EPB42: variants seen among roughly 807,000 people sequenced by gnomAD.
The protein encoded by EPB42 is protein 4.2.
EPB42 carries 49 observed loss-of-function variants against 76.9 expected under a neutral mutation model. The observed-to-expected ratio is 0.64, with a 90% CI of 0.51 to 0.81. EPB42 has a LOEUF of 0.81. Ranked by LOEUF, EPB42 falls within the 30% of genes least tolerant of loss-of-function variation. The pLI is 0.00. For missense variants in EPB42, 731 were observed against 867.6 expected (o/e 0.84, Z 1.98); for synonymous variants, 310 against 338.4 (o/e 0.92, Z 0.92).
intron 1 of EPB42, among the ~76,000 whole-genome samples, chr15:43,216,828 T>A (rs1161154548): frequency 6.6e-6 from 1 of 152,224 alleles, no homozygotes; most frequent in Non-Finnish European, 1.5e-5. Context: ...AAAATCTTTC[T>A]CGCACCTACT....
chr15:43,208,582 A>G (rs2042242509), intron 7 of EPB42, 55 bp downstream of exon 7: 2 of 1,609,770 alleles, frequency 1.2e-6, no homozygotes, highest in South Asian at 1.1e-5. Context: ...GAGGTGTGCT[A>G]TGCAGGGTTG....
intron 1 of EPB42, 156 bp downstream of exon 1, chr15:43,220,660 A>ACCCCCCCCCCTAT: frequency 7.2e-6 from 1 of 138,560 alleles, no homozygotes; most frequent in Non-Finnish European, 1.3e-5. Flanking sequence ...CCCCCCCCCC[A>ACCCCCCCCCCTAT]CAGCCACCTC....
intron 1 of EPB42, among the ~76,000 whole-genome samples, chr15:43,219,052 C>A (rs1485572777): frequency 2.0e-5 from 3 of 152,134 alleles, no homozygotes; most frequent in Admixed American, 2.0e-4. Context: ...CTGTGTTTAA[C>A]GACTGGCTGG....
Position 43,220,903 on chromosome 15 carries a change from GCTTT to G in EPB42, c.-82_-79del, listed in dbSNP as rs1159036337. 1.5e-6 allele frequency: 2 copies of G among 1,362,536 alleles called. No homozygotes were observed. The allele number at this position is 1,362,536 out of a possible 1,614,324, so 84.4% of individuals were successfully genotyped here. ...ACTGTTGCTTCTGGGCTCCTTCTGG[GCTTT>G]CTGTCTTCCAGACAGAAAATATGAA... On this transcript the variant is annotated 5_prime_UTR_variant, in exon 1 of 13. Coordinates refer to ENST00000441366, the MANE Select transcript of EPB42 (RefSeq NM_001114134.2).
intron 2 of EPB42, 36 bp downstream of exon 2, chr15:43,216,232 C>G: frequency 6.2e-7 from 1 of 1,611,538 alleles, no homozygotes; most frequent in Non-Finnish European, 8.5e-7. Context: ...ACCCCCCAGG[C>G]CTGCTGCCAA....
chr15:43,225,063 C>T (rs947187370), upstream of EPB42, among the ~76,000 whole-genome samples: 3 of 152,318 alleles, frequency 2.0e-5, no homozygotes, highest in Non-Finnish European at 4.4e-5. Context: ...CATGAGCCAC[C>T]GCGCCCAGTC....
chr15:43,201,076 A>G lies in EPB42; in HGVS notation c.1913+768T>C, dbSNP rs2042117278. Among the ~76,000 whole-genome samples the G allele has an allele frequency of 3.3e-5, 5 of 152,264 alleles. No homozygotes were observed. In the South Asian group the frequency reaches 1.0e-3, roughly 32 times the overall value. ...GTGATCCACCTACCTTGGCCTCCCA[A>G]AGTGCTGGGATTACAGGCGTGAGCC... On this transcript the variant is annotated intron_variant, in intron 12 of 12. Transcript: ENST00000441366.
chr15:43,210,558 C>A, intron 4 of EPB42, 119 bp from the exon 5 acceptor site: 1 of 871,798 alleles, frequency 1.1e-6, no homozygotes, highest in Non-Finnish European at 1.9e-6. Flanking sequence ...TCTCCCAGAC[C>A]CGCACTCCAC....
intron 12 of EPB42, among the ~76,000 whole-genome samples, chr15:43,201,388 T>C (rs1232061337): frequency 6.6e-6 from 1 of 152,240 alleles, no homozygotes. Context: ...ACACATTTTA[T>C]ACGTACGAAT....
At chr15:43,210,900 C>T (rs1355107389) in intron 4 of EPB42, among the ~76,000 whole-genome samples, 1 of 152,198 alleles carries the variant, frequency 6.6e-6, no homozygotes, top group East Asian at 1.9e-4. Flanking sequence ...GCAGCATGGC[C>T]AGGGCTCTTG....
chr15:43,212,068 T>C (rs1467139631), intron 3 of EPB42, among the ~76,000 whole-genome samples: 4 of 146,612 alleles, frequency 2.7e-5, no homozygotes, highest in Non-Finnish European at 6.0e-5. Context: ...GACTTTCTCT[T>C]AAAAAAAAAT....
chr15:43,224,154 C>T (rs1195155972), upstream of EPB42, among the ~76,000 whole-genome samples: 2 of 152,154 alleles, frequency 1.3e-5, no homozygotes, highest in Non-Finnish European at 2.9e-5. Flanking sequence ...CTGGTGAAGG[C>T]TCTCTTCCTC....
At chr15:43,219,437 A>C (rs1376415793) in intron 1 of EPB42, among the ~76,000 whole-genome samples, 1 of 152,204 alleles carries the variant, frequency 6.6e-6, no homozygotes, top group African/African-American at 2.4e-5. Flanking sequence ...TGGCTCTTGC[A>C]AGTCAGCACA....
At chr15:43,225,651 GACAA>G (rs943948852), upstream of EPB42, among the ~76,000 whole-genome samples, 2 of 152,198 alleles carry the variant, frequency 1.3e-5, no homozygotes. Context: ...AGCAGGGGGA[GACAA>G]ACAATACTAA....
chr15:43,217,949 T>G (rs1447284251), intron 1 of EPB42, among the ~76,000 whole-genome samples: 1 of 152,138 alleles, frequency 6.6e-6, no homozygotes, highest in Non-Finnish European at 1.5e-5. Flanking sequence ...AGAACTGACA[T>G]TATTGAATAT....
intron 12 of EPB42, among the ~76,000 whole-genome samples, chr15:43,199,483 C>T (rs2042096028): frequency 6.6e-6 from 1 of 152,140 alleles, no homozygotes; most frequent in Admixed American, 6.5e-5. Flanking sequence ...ATACCTGTAC[C>T]CCCACTGTAT....
intron 3 of EPB42, 145 bp downstream of exon 3, chr15:43,214,950 A>C: frequency 1.3e-6 from 1 of 763,452 alleles, no homozygotes; most frequent in Non-Finnish European, 2.3e-6. Context: ...TCAGGGAGAA[A>C]GCCCTGGCAC....
In EPB42 at chr15:43,216,267, C is replaced by T. The variant is rs761657012; in HGVS notation, c.196+1G>A. On this transcript the variant is annotated splice_donor_variant, in intron 2 of 12. Transcript: ENST00000441366. LOFTEE classifies it high-confidence loss of function. ...AAGGAGTCTAGGCCTGACTCACTAA[C>T]CAGTTTGTGCAGTGAGGGCCACCTT... is the stretch of plus-strand genomic sequence containing the variant. The T allele has an allele frequency of 6.2e-7, 1 of 1,613,752 alleles. No individual in the cohort carries two copies. The highest frequency in any genetic ancestry group is 8.5e-7 in the Non-Finnish European group (1 of 1,180,022).
At chr15:43,211,314 T>G in intron 4 of EPB42, 102 bp downstream of exon 4, 1 of 815,522 alleles carries the variant, frequency 1.2e-6, no homozygotes, top group Admixed American at 1.7e-5. Flanking sequence ...AGAAATGGTC[T>G]CATGACCAGG....
Sources: gnomAD v4.1 joint callset for allele counts (sites outside exome capture counted in the v4.1 genomes callset) on GRCh38, gnomAD v4.1.1 for gene constraint, MANE v1.5 for transcripts, NCBI Gene and HGNC (gene_info 2026-07-23, HGNC 2026-07-21) for gene names.